The following RPTOR variants were observed in gnomAD, a reference collection of about 807,000 sequenced individuals.
The protein encoded by RPTOR is regulatory-associated protein of mTOR.
A neutral mutation model predicts 169.9 loss-of-function variants in RPTOR; 21 were observed. That is an observed-to-expected ratio of 0.12 (90% confidence interval 0.09 to 0.18). The LOEUF (loss-of-function observed/expected upper bound fraction) is 0.18. Among genes scored for constraint, RPTOR ranks in the 10% least tolerant of loss-of-function variants. The pLI is 1.00. For missense variants in RPTOR, 1,133 were observed against 1,855.9 expected, an observed-to-expected ratio of 0.61 and a Z score of 7.16; for synonymous variants, 732 against 753.2, an observed-to-expected ratio of 0.97 and a Z score of 0.46.
At chr17:80,743,881 C>T (rs62069361) in intron 5 of RPTOR, among the ~76,000 whole-genome samples, 611 of 44,924 alleles carry the variant, frequency 0.014, 74 homozygotes, top group African/African-American at 0.077. Flanking sequence ...ACAGCCCTGG[C>T]TACTAGCACT....
At chr17:80,822,470 AG>A (rs1483061759) in intron 8 of RPTOR, among the ~76,000 whole-genome samples, 169 bp downstream of exon 8, 1 of 152,180 alleles carries the variant, frequency 6.6e-6, no homozygotes, top group Non-Finnish European at 1.5e-5. Flanking sequence ...GGTGTCTGCG[AG>A]GGGGTGAGTT....
intron 20 of RPTOR, among the ~76,000 whole-genome samples, chr17:80,904,981 G>A (rs1242144420): frequency 2.0e-5 from 3 of 152,120 alleles, no homozygotes; most frequent in Admixed American, 6.5e-5. Flanking sequence ...AAGTCTGCAC[G>A]AAGGTCGACA....
At chr17:80,617,103 T>C (rs1158558766) in intron 1 of RPTOR, among the ~76,000 whole-genome samples, 1 of 152,148 alleles carries the variant, frequency 6.6e-6, no homozygotes, top group Non-Finnish European at 1.5e-5. Context: ...AGAAATAACA[T>C]GTTTATGGTA....
chr17:80,948,312 G>T (rs1385395672), intron 27 of RPTOR, among the ~76,000 whole-genome samples: 4 of 152,242 alleles, frequency 2.6e-5, no homozygotes, highest in African/African-American at 9.6e-5. Context: ...TCCTCGTGCA[G>T]CCCCTCCTCC....
intron 1 of RPTOR, among the ~76,000 whole-genome samples, chr17:80,613,189 G>A (rs1323064746): frequency 2.0e-5 from 3 of 152,084 alleles, no homozygotes; most frequent in Non-Finnish European, 2.9e-5. Flanking sequence ...CAGCCTCCGT[G>A]GCCCGTCACT....
intron 6 of RPTOR, among the ~76,000 whole-genome samples, chr17:80,757,660 C>T (rs748725129): frequency 4.6e-5 from 7 of 152,056 alleles, no homozygotes; most frequent in African/African-American, 9.7e-5. Context: ...TACCTGTATA[C>T]GATGCATTAA....
chr17:80,911,249 G>A lies in RPTOR; in HGVS notation c.2520+2320G>A, dbSNP rs554320874. On this transcript the variant is annotated intron_variant, in intron 21 of 33. Coordinates refer to ENST00000306801, the MANE Select transcript of RPTOR (RefSeq NM_020761.3). ...TGCAGCGGACTCTGCCACTTCCTTC[G>A]TCACCGCATCCCTGCAGCGGATTCT... Among the ~76,000 whole-genome samples, 205 of 152,190 alleles carry A rather than the reference G, an allele frequency of 1.3e-3. 1 individual carries two copies. Among genetic ancestry groups the A allele is most frequent in the African/African-American group, 4.4e-3 (181 of 41,526 alleles).
intron 6 of RPTOR, among the ~76,000 whole-genome samples, chr17:80,787,727 C>T (rs1010319311): frequency 2.4e-4 from 36 of 152,240 alleles, no homozygotes; most frequent in African/African-American, 8.4e-4. Flanking sequence ...AGAATGATAT[C>T]TCGTGTAGCC....
intron 2 of RPTOR, among the ~76,000 whole-genome samples, chr17:80,632,664 A>G (rs1416715860): frequency 6.6e-6 from 1 of 152,170 alleles, no homozygotes; most frequent in East Asian, 1.9e-4. Flanking sequence ...TTTGGCCTTT[A>G]TTAAAAAATG....
intron 28 of RPTOR, among the ~76,000 whole-genome samples, chr17:80,955,587 C>T (rs549066136): frequency 1.2e-4 from 19 of 152,150 alleles, no homozygotes; most frequent in South Asian, 6.2e-4. Context: ...AAAAATGTCA[C>T]GGTTGTAATG....
intron 22 of RPTOR, among the ~76,000 whole-genome samples, chr17:80,923,154 G>A (rs908614511): frequency 1.3e-5 from 2 of 152,226 alleles, no homozygotes; most frequent in Admixed American, 1.3e-4. Flanking sequence ...ACCAACAGGT[G>A]TTTGCACCTC....
chr17:80,684,595 C>G (rs1267902000), intron 3 of RPTOR, among the ~76,000 whole-genome samples: 3 of 152,046 alleles, frequency 2.0e-5, no homozygotes, highest in Non-Finnish European at 2.9e-5. Flanking sequence ...CAGACGCCCA[C>G]CACCACACCC....
chr17:80,884,312 G>A (rs939956073), intron 16 of RPTOR, among the ~76,000 whole-genome samples: 6 of 152,218 alleles, frequency 3.9e-5, no homozygotes, highest in African/African-American at 9.6e-5. Context: ...TCCACTTTAC[G>A]GGCAAGGAGT....
At chr17:80,593,599 G>A (rs2065123410) in intron 1 of RPTOR, 1 of 154,066 alleles carries the variant, frequency 6.5e-6, no homozygotes, top group Non-Finnish European at 1.5e-5. Context: ...AGCTCCATAT[G>A]TGATGCTGGA....
intron 3 of RPTOR, among the ~76,000 whole-genome samples, chr17:80,704,044 A>T (rs1366256202): frequency 1.3e-5 from 2 of 152,074 alleles, no homozygotes; most frequent in East Asian, 3.9e-4. Context: ...GGGTGTGGAG[A>T]GACATGGGCG....
intron 3 of RPTOR, among the ~76,000 whole-genome samples, chr17:80,691,034 A>G (rs557404580): frequency 8.6e-4 from 131 of 152,226 alleles, no homozygotes; most frequent in African/African-American, 2.9e-3. Context: ...GCCTCAAGCA[A>G]TCTTCCTGCC....
chr17:80,961,648 C>G, intron 31 of RPTOR, 168 bp downstream of exon 31: 7 of 766,814 alleles, frequency 9.1e-6, no homozygotes, highest in Non-Finnish European at 1.4e-5. Flanking sequence ...CCCGTAGGGG[C>G]CCAGGGGCCA....
intron 3 of RPTOR, among the ~76,000 whole-genome samples, chr17:80,681,847 G>A (rs758548288): frequency 2.0e-5 from 3 of 151,368 alleles, no homozygotes; most frequent in Admixed American, 1.3e-4. Context: ...TTAAATATTT[G>A]GCTGAAAAAT....
At chr17:80,598,026 C>T (rs999722195) in intron 1 of RPTOR, among the ~76,000 whole-genome samples, 1 of 152,030 alleles carries the variant, frequency 6.6e-6, no homozygotes, top group African/African-American at 2.4e-5. Flanking sequence ...CCTGTAGTCC[C>T]AGCTACTTAG....
Sources: gnomAD v4.1 joint callset for allele counts (sites outside exome capture counted in the v4.1 genomes callset) on GRCh38, gnomAD v4.1.1 for gene constraint, MANE v1.5 for transcripts, NCBI Gene and HGNC (gene_info 2026-07-23, HGNC 2026-07-21) for gene names.